The following PHF20L1 variants were observed in gnomAD, a reference collection of about 807,000 sequenced individuals.
PHF20L1 encodes the protein PHD finger protein 20 like 1.
PHF20L1 carries 44 observed loss-of-function variants against 125.5 expected under a neutral mutation model. The observed-to-expected ratio is 0.35, with a 90% CI of 0.28 to 0.45. The LOEUF (loss-of-function observed/expected upper bound fraction) is 0.45. Among genes scored for constraint, PHF20L1 ranks in the 20% least tolerant of loss-of-function variants. The probability of loss-of-function intolerance (pLI) is 1.00; values close to 1 mark genes in which losing one functional copy is unlikely to be tolerated. For missense variants in PHF20L1, 1,012 were observed against 1,217.2 expected (o/e 0.83, Z 2.51); for synonymous variants, 380 against 403.1 (o/e 0.94, Z 0.69).
intron 8 of PHF20L1, 105 bp downstream of exon 8, chr8:132,804,845 C>T: frequency 1.1e-6 from 1 of 915,802 alleles, no homozygotes; most frequent in East Asian, 2.5e-5. Flanking sequence ...TGTCATGGAC[C>T]TGTTAATAAC....
chr8:132,777,083 A>G (rs1240784809), intron 1 of PHF20L1, among the ~76,000 whole-genome samples: 1 of 152,238 alleles, frequency 6.6e-6, no homozygotes, highest in African/African-American at 2.4e-5. Flanking sequence ...AAATTGAAAT[A>G]TAGTAGAAAT....
At chr8:132,842,484 TGA>T in intron 18 of PHF20L1, 29 bp from the exon 19 acceptor site, 1 of 1,535,280 alleles carries the variant, frequency 6.5e-7, no homozygotes, top group African/African-American at 1.4e-5. Flanking sequence ...TTTTTTTTTC[TGA>T]ACTGCTGTTT....
At chr8:132,823,559 G>A (rs1004818719) in intron 12 of PHF20L1, among the ~76,000 whole-genome samples, 2 of 151,902 alleles carry the variant, frequency 1.3e-5, no homozygotes, top group African/African-American at 4.8e-5. Context: ...ATAGTGTAGT[G>A]TCAAATTATT....
intron 8 of PHF20L1, chr8:132,807,006 A>C (rs2131592114): frequency 6.6e-6 from 1 of 152,208 alleles, no homozygotes; most frequent in East Asian, 1.9e-4. Flanking sequence ...TTCTGTATAG[A>C]GAATGTTAAA....
rs1360142527 is a variant in PHF20L1 at position 132,846,224 on chromosome 8, GCT to G, written c.*302_*303del. On this transcript the variant is annotated 3_prime_UTR_variant, in exon 21 of 21. Coordinates refer to ENST00000395386, the MANE Select transcript of PHF20L1 (RefSeq NM_016018.5). ...AAGTTCTCAGAATTTTTGAGTAGTT[GCT>G]TACGTGAAGCTCAAGATACCTGTAG... 1 of 214,750 alleles carries G rather than the reference GCT, an allele frequency of 4.7e-6. No individual in the cohort carries two copies. Among genetic ancestry groups the G allele is most frequent in the African/African-American group, 2.3e-5 (1 of 43,896 alleles). 13.3% of individuals were successfully genotyped at this position (214,750 alleles called of 1,614,324 possible).
intron 14 of PHF20L1, among the ~76,000 whole-genome samples, chr8:132,825,822 G>A (rs901214402): frequency 6.6e-6 from 1 of 152,040 alleles, no homozygotes; most frequent in Non-Finnish European, 1.5e-5. Flanking sequence ...GCAGCCCCAA[G>A]CCAAGAAGCC....
intron 18 of PHF20L1, chr8:132,842,017 T>C (rs1837987544): frequency 6.5e-6 from 1 of 154,110 alleles, no homozygotes; most frequent in Admixed American, 6.5e-5. Context: ...CACAAGAAGA[T>C]GTGTATACTT....
rs759962456 is a variant in PHF20L1, at chr8:132,817,423, C to T, written c.1457C>T (p.Pro486Leu). The T allele has an allele frequency of 2.4e-5, 39 of 1,612,470 alleles. No homozygotes were observed. The South Asian group carries it at 2.9e-4, about 12-fold the overall frequency. The change falls in exon 12 of 21, where the codon CCG (proline) becomes CTG (leucine). Residue 486 changes from proline (P) to leucine (L), a missense_variant. Transcript: ENST00000395386. ...AGTCGTGGTTCAGAAGTTACAGCAC[C>T]GGTAGCCTCAGATTCCTCTTACCGT... ...DLSRGSEVTAPVASDSSYRNE... is the reference protein window; with the variant it reads ...DLSRGSEVTALVASDSSYRNE...
intron 2 of PHF20L1, among the ~76,000 whole-genome samples, chr8:132,787,564 T>G (rs1248533563): frequency 6.6e-6 from 1 of 152,160 alleles, no homozygotes; most frequent in East Asian, 1.9e-4. Context: ...GTTTGAAATT[T>G]TTAGACTATT....
At chr8:132,776,815 C>T (rs748008685) in intron 1 of PHF20L1, among the ~76,000 whole-genome samples, 3 of 152,270 alleles carry the variant, frequency 2.0e-5, no homozygotes, top group Middle Eastern at 3.4e-3. Context: ...AGACATTTTA[C>T]GGATCTCTCC....
At chr8:132,834,620 C>T (rs1195178576) in intron 15 of PHF20L1, among the ~76,000 whole-genome samples, 6 of 152,020 alleles carry the variant, frequency 3.9e-5, no homozygotes, top group African/African-American at 9.7e-5. Context: ...AGGTGTGAGC[C>T]GCTGTGCCCG....
rs1382408321 is a variant in PHF20L1, at chr8:132,847,241, A to G, written c.*1318A>G. On this transcript the variant is annotated 3_prime_UTR_variant, in exon 21 of 21. Coordinates refer to ENST00000395386, the MANE Select transcript of PHF20L1 (RefSeq NM_016018.5). Reference sequence around the variant, plus strand: ...CACATATCTAGTTTTATTACTATAGACTATACGAATTGGTGGTTAACATGA... The same window carrying G: ...CACATATCTAGTTTTATTACTATAGGCTATACGAATTGGTGGTTAACATGA... The G allele has an allele frequency of 6.6e-6, 1 of 152,560 alleles. No individual in the cohort carries two copies. Among genetic ancestry groups the G allele is most frequent in the Non-Finnish European group, 1.5e-5 (1 of 67,996 alleles). The allele number at this position is 152,560 out of a possible 1,614,324, so 9.5% of individuals were successfully genotyped here.
chr8:132,785,103 G>T (rs1287716904), intron 2 of PHF20L1, among the ~76,000 whole-genome samples: 1 of 152,062 alleles, frequency 6.6e-6, no homozygotes, highest in East Asian at 1.9e-4. Context: ...TAGTGGCAAG[G>T]GTTGGAACAA....
rs938752874 is a variant in PHF20L1, at chr8:132,831,358, C to A, written c.1745-877C>A. On this transcript the variant is annotated intron_variant, in intron 14 of 20. Coordinates refer to ENST00000395386, the MANE Select transcript of PHF20L1 (RefSeq NM_016018.5). ...GCCTTCCCACATGCCTGGAATCACA[C>A]CCCCACCTCCTTTTTTCCTTCCCTT... Among the ~76,000 whole-genome samples, 155 of 52,890 alleles carry A rather than the reference C, an allele frequency of 2.9e-3. 1 individual carries two copies. The highest frequency in any genetic ancestry group is 0.014 in the Admixed American group (69 of 5,060). 34.7% of individuals were successfully genotyped at this position (52,890 alleles called of 152,430 possible). A position where few individuals can be genotyped will look rare whatever the true frequency, so the allele number is the denominator to read the frequency against.
At position 132,848,772 on chromosome 8, in the gene PHF20L1, A is replaced by T. The variant is rs1838588078; in HGVS notation, c.*2849A>T. 6.6e-6 allele frequency: 1 copy of T among 152,004 alleles called. No homozygotes were observed. The highest frequency in any genetic ancestry group is 2.4e-5 in the African/African-American group (1 of 41,400). The allele number at this position is 152,004 out of a possible 1,614,324, so 9.4% of individuals were successfully genotyped here. ...ATTTCACATGTTCAAAATGAAGCGT[A>T]CTATTTCCCCTCCAATAAACGAAGT... On this transcript the variant is annotated 3_prime_UTR_variant, in exon 21 of 21. Transcript: ENST00000395386.
At chr8:132,785,688 A>G (rs1346169868) in intron 2 of PHF20L1, among the ~76,000 whole-genome samples, 1 of 152,126 alleles carries the variant, frequency 6.6e-6, no homozygotes, top group Non-Finnish European at 1.5e-5. Flanking sequence ...GTATGCAAGT[A>G]TTATGTTATT....
chr8:132,775,599 C>G lies in PHF20L1; in HGVS notation c.-84C>G. 1 of 347,684 alleles carries G rather than the reference C, an allele frequency of 2.9e-6. No homozygotes were observed. The highest frequency in any genetic ancestry group is 1.4e-4 in the South Asian group (1 of 7,352). 21.5% of individuals were successfully genotyped at this position (347,684 alleles called of 1,614,324 possible). Reference sequence around the variant, plus strand: ...GCTGGCCGCCCTGCTCGTGCCCCAGCTCGGCCCCGGACGGCCCGGCTGCTG... The same window carrying G: ...GCTGGCCGCCCTGCTCGTGCCCCAGGTCGGCCCCGGACGGCCCGGCTGCTG... On this transcript the variant is annotated 5_prime_UTR_variant, in exon 1 of 21. Coordinates refer to ENST00000395386, the MANE Select transcript of PHF20L1 (RefSeq NM_016018.5).
At chr8:132,809,956 A>C (rs1834181760) in intron 8 of PHF20L1, 1 of 152,160 alleles carries the variant, frequency 6.6e-6, no homozygotes, top group African/African-American at 2.4e-5. Flanking sequence ...AAAGAATTTT[A>C]ACCAAGTAAA....
Position 132,804,754 on chromosome 8 carries a change from A to ATTT in PHF20L1, c.847+22_847+24dup. On this transcript the variant is annotated intron_variant, in intron 8 of 20. Coordinates refer to ENST00000395386, the MANE Select transcript of PHF20L1 (RefSeq NM_016018.5). Reference sequence around the variant, plus strand: ...ACAAGATTACTGGTAAACTACAATGATTTTTTTTTTGAGGGGGGGAAATGG... The same window carrying ATTT: ...ACAAGATTACTGGTAAACTACAATGATTTTTTTTTTTTTGAGGGGGGGAAATGG... 1 of 1,447,142 alleles carries ATTT rather than the reference A, an allele frequency of 6.9e-7. No individual in the cohort carries two copies. The highest frequency in any genetic ancestry group is 9.3e-7 in the Non-Finnish European group (1 of 1,069,954). The allele number at this position is 1,447,142 out of a possible 1,614,324, so 89.6% of individuals were successfully genotyped here.
Sources: gnomAD v4.1 joint callset for allele counts (sites outside exome capture counted in the v4.1 genomes callset) on GRCh38, gnomAD v4.1.1 for gene constraint, MANE v1.5 for transcripts, NCBI Gene and HGNC (gene_info 2026-07-23, HGNC 2026-07-21) for gene names.